The following ROR2 variants were observed in gnomAD, a reference collection of about 807,000 sequenced individuals.
The protein encoded by ROR2 is ROR family WNT receptor 2, also known as tyrosine-protein kinase transmembrane receptor ROR2.
A neutral mutation model predicts 74.9 loss-of-function variants in ROR2; 33 were observed. That is an observed-to-expected ratio of 0.44 (90% confidence interval 0.33 to 0.59). The LOEUF is 0.59. Among genes scored for constraint, ROR2 ranks in the 20% least tolerant of loss-of-function variants. The probability of loss-of-function intolerance (pLI) is 0.02; values close to 1 mark genes in which losing one functional copy is unlikely to be tolerated. For missense variants in ROR2, 1,216 were observed against 1,313.8 expected (o/e 0.93, Z 1.15); for synonymous variants, 586 against 558.7 (o/e 1.05, Z -0.69).
At chr9:91,778,592 G>A (rs796929430) in intron 1 of ROR2, among the ~76,000 whole-genome samples, 7 of 152,322 alleles carry the variant, frequency 4.6e-5, no homozygotes, top group African/African-American at 1.7e-4. Flanking sequence ...GAGATTCTGA[G>A]AGGAGATTCA....
chr9:91,757,767 ACAGAGT>A (rs2118851612), intron 2 of ROR2, among the ~76,000 whole-genome samples: 2 of 152,272 alleles, frequency 1.3e-5, no homozygotes, highest in South Asian at 4.2e-4. Flanking sequence ...TATGGGAAAT[ACAGAGT>A]CAAATTCCTG....
chr9:91,846,310 CA>C (rs1828929745), intron 1 of ROR2, among the ~76,000 whole-genome samples: 1 of 152,150 alleles, frequency 6.6e-6, no homozygotes, highest in Admixed American at 6.5e-5. Context: ...TTAAAAGGGA[CA>C]AAAGGGAGCT....
At position 91,789,448 on chromosome 9, in the gene ROR2, A is replaced by G. The variant is rs377631103; in HGVS notation, c.98-13630T>C. On this transcript the variant is annotated intron_variant, in intron 1 of 8. Coordinates refer to ENST00000375708, the MANE Select transcript of ROR2 (RefSeq NM_004560.4). ...AAACATGTTTTTTTGTAATTCTTTT[A>G]TTCATTTACTTGTTTTAAAAGACTA... Among the ~76,000 whole-genome samples, 23 of 152,292 alleles carry G rather than the reference A, an allele frequency of 1.5e-4. No homozygotes were observed. The East Asian group carries it at 1.7e-3, about 11-fold the overall frequency.
In ROR2 at chr9:91,722,830, C is replaced by A. The variant is rs966557266; in HGVS notation, c.*832G>T. On this transcript the variant is annotated 3_prime_UTR_variant, in exon 9 of 9. Coordinates refer to ENST00000375708, the MANE Select transcript of ROR2 (RefSeq NM_004560.4). ...AAGTCATCTTAAGACCAAAATACTTCAATGAAAATGGCATATTAAAAACAT... is the reference window on the plus strand; with the variant it reads ...AAGTCATCTTAAGACCAAAATACTTAAATGAAAATGGCATATTAAAAACAT... The A allele has an allele frequency of 8.8e-6, 5 of 565,534 alleles. No individual in the cohort carries two copies. In the Middle Eastern group the frequency reaches 1.3e-3, roughly 142 times the overall value. The allele number at this position is 565,534 out of a possible 1,614,324, so 35.0% of individuals were successfully genotyped here.
chr9:91,781,253 G>C (rs1359787873), intron 1 of ROR2, among the ~76,000 whole-genome samples: 1 of 152,186 alleles, frequency 6.6e-6, no homozygotes, highest in East Asian at 1.9e-4. Context: ...AAGTGACGGT[G>C]CTGCAAACCA....
In ROR2 at chr9:91,724,135, C is replaced by T. The variant is rs1219060338; in HGVS notation, c.2359G>A (p.Val787Met). ...PVSNVSNARY[V>M]GPKQKAPPFP... ...GGCGGGGCCTTCTGCTTGGGCCCCA[C>T]GTAGCGGGCGTTGCTCACATTGCTC... Residue 787 changes from valine to methionine, a missense_variant, in exon 9 of 9, where the codon GTG (valine) becomes ATG (methionine). Coordinates refer to ENST00000375708, the MANE Select transcript of ROR2 (RefSeq NM_004560.4). 12 of 1,610,896 alleles carry T rather than the reference C, an allele frequency of 7.4e-6. No individual in the cohort carries two copies. Among genetic ancestry groups the T allele is most frequent in the Admixed American group, 6.7e-5 (4 of 60,004 alleles).
Position 91,724,592 on chromosome 9 carries a change from C to T in ROR2, c.1902G>A (p.Leu634=). The part of the protein sequence containing the change: ...YDKLNVKISD[L]GLFREVYAAD... ...CGGCATACACCTCTCGGAAGAGGCCCAAGTCTGAGATCTTCACGTTCAGCT... is the reference window on the plus strand; with the variant it reads ...CGGCATACACCTCTCGGAAGAGGCCTAAGTCTGAGATCTTCACGTTCAGCT... The change falls in exon 9 of 9, where the codon TTG becomes TTA. Residue 634 remains leucine (L), a synonymous_variant. Transcript: ENST00000375708. 4 of 1,614,114 alleles carry T rather than the reference C, an allele frequency of 2.5e-6. No homozygotes were observed. The highest frequency in any genetic ancestry group is 3.4e-6 in the Non-Finnish European group (4 of 1,180,022).
At chr9:91,736,800 C>G (rs1344452308) in intron 5 of ROR2, among the ~76,000 whole-genome samples, 1 of 152,166 alleles carries the variant, frequency 6.6e-6, no homozygotes, top group Non-Finnish European at 1.5e-5. Flanking sequence ...GCTGCAGTTC[C>G]TAATTGACTT....
At chr9:91,790,267 C>T (rs943373989) in intron 1 of ROR2, among the ~76,000 whole-genome samples, 8 of 151,480 alleles carry the variant, frequency 5.3e-5, no homozygotes, top group African/African-American at 1.9e-4. Context: ...TTTGGGAGGC[C>T]GAGGAGGGCA....
At chr9:91,921,651 G>T (rs1322610793) in intron 1 of ROR2, among the ~76,000 whole-genome samples, 2 of 152,152 alleles carry the variant, frequency 1.3e-5, no homozygotes, top group African/African-American at 4.8e-5. Flanking sequence ...ATTACTTGAG[G>T]TCAGAAGTAG....
In ROR2 at chr9:91,733,504, C is replaced by T. The variant is rs1422353621; in HGVS notation, c.623-68G>A. On this transcript the variant is annotated intron_variant, in intron 5 of 8. Transcript: ENST00000375708. The surrounding 1 kb of genome is among the most constrained non-coding windows in gnomAD (Gnocchi z 5.7). ...GCGCCCTTGACATTCATCCAGTCCC[C>T]ACCCCCAGCCTGGCATCCCAGACTG... 6 of 1,503,646 alleles carry T rather than the reference C, an allele frequency of 4.0e-6. No individual in the cohort carries two copies. In the East Asian group the frequency reaches 1.5e-4, roughly 37 times the overall value. The allele number at this position is 1,503,646 out of a possible 1,614,324, so 93.1% of individuals were successfully genotyped here.
chr9:91,814,895 C>T (rs1197491679), intron 1 of ROR2, among the ~76,000 whole-genome samples: 2 of 152,186 alleles, frequency 1.3e-5, no homozygotes, highest in Non-Finnish European at 2.9e-5. Flanking sequence ...AACCCAGGCC[C>T]GGCTGGTTTC....
At chr9:91,758,875 G>A (rs978893419) in intron 2 of ROR2, among the ~76,000 whole-genome samples, 7 of 152,232 alleles carry the variant, frequency 4.6e-5, no homozygotes, top group East Asian at 1.9e-4. Flanking sequence ...GAACTACTCC[G>A]TCTCTTAAGA....
intron 1 of ROR2, among the ~76,000 whole-genome samples, chr9:91,869,327 G>A (rs1829726863): frequency 6.6e-6 from 1 of 152,166 alleles, no homozygotes; most frequent in Non-Finnish European, 1.5e-5. Flanking sequence ...AAGTCACCAG[G>A]ATTACAGGCA....
At chr9:91,920,782 G>C (rs1587847874) in intron 1 of ROR2, among the ~76,000 whole-genome samples, 1 of 152,206 alleles carries the variant, frequency 6.6e-6, no homozygotes, top group African/African-American at 2.4e-5. Flanking sequence ...AGAGCTACAG[G>C]CAGAAGAGGC....
rs1277850040 is a variant in ROR2 at position 91,722,856 on chromosome 9, A to G, written c.*806T>C. 4 of 530,226 alleles carry G rather than the reference A, an allele frequency of 7.5e-6. No homozygotes were observed. Among genetic ancestry groups the G allele is most frequent in the Admixed American group, 3.1e-5 (1 of 31,900 alleles). 32.8% of individuals were successfully genotyped at this position (530,226 alleles called of 1,614,324 possible). ...AATGAAAATGGCATATTAAAAACATATAAATTACATTTAAGCTCTGTACAT... is the reference window on the plus strand; with the variant it reads ...AATGAAAATGGCATATTAAAAACATGTAAATTACATTTAAGCTCTGTACAT... On this transcript the variant is annotated 3_prime_UTR_variant, in exon 9 of 9. Coordinates refer to ENST00000375708, the MANE Select transcript of ROR2 (RefSeq NM_004560.4).
At chr9:91,745,412 ACCATGCCCAG>A (rs1282992152) in intron 4 of ROR2, among the ~76,000 whole-genome samples, 1 of 141,870 alleles carries the variant, frequency 7.0e-6, no homozygotes, top group Admixed American at 7.2e-5. Flanking sequence ...GGCATGAGCC[ACCATGCCCAG>A]CCTATTTTTT....
At chr9:91,904,766 G>A (rs1039188032) in intron 1 of ROR2, among the ~76,000 whole-genome samples, 7 of 152,162 alleles carry the variant, frequency 4.6e-5, no homozygotes, top group Non-Finnish European at 7.3e-5. Context: ...TCTGCCACCC[G>A]TGGCCTCAGG....
At chr9:91,936,952 C>T (rs558649359) in intron 1 of ROR2, among the ~76,000 whole-genome samples, 1,413 of 140,122 alleles carry the variant, frequency 0.01, 7 homozygotes, top group Non-Finnish European at 0.015. Context: ...ATGGCGTGAA[C>T]CCGGGAGGCG....
Sources: allele counts gnomAD v4.1 joint callset (sites outside exome capture counted in the v4.1 genomes callset), GRCh38; gene constraint gnomAD v4.1.1; non-coding constraint Gnocchi (gnomAD v3.1); transcripts MANE v1.5; gene names NCBI Gene and HGNC (gene_info 2026-07-23, HGNC 2026-07-21).